The following PLEKHA7 variants were observed in gnomAD, a reference collection of about 807,000 sequenced individuals.
The protein encoded by PLEKHA7 is pleckstrin homology domain-containing family A member 7.
In PLEKHA7, 104 loss-of-function variants were observed where a neutral mutation model predicts 170.0. The observed-to-expected ratio is 0.61, with a 90% CI of 0.52 to 0.72. The LOEUF (loss-of-function observed/expected upper bound fraction) is 0.72, where lower values mean the gene tolerates loss of function less well. Ranked by LOEUF, PLEKHA7 falls within the 30% of genes least tolerant of loss-of-function variation. The probability of loss-of-function intolerance (pLI) is 0.00; values close to 1 mark genes in which losing one functional copy is unlikely to be tolerated. For missense variants in PLEKHA7, 1,615 were observed against 1,671.7 expected, an observed-to-expected ratio of 0.97 and a Z score of 0.59; for synonymous variants, 648 against 660.8, an observed-to-expected ratio of 0.98 and a Z score of 0.30.
intron 26 of PLEKHA7, among the ~76,000 whole-genome samples, chr11:16,782,335 C>T (rs1849094490): frequency 6.6e-6 from 1 of 152,144 alleles, no homozygotes. Context: ...CAGGAGGGGC[C>T]CCCTTCTGCC....
chr11:16,910,635 C>CCTGGAGAGATTTTTGGTTGTCACAA (rs1330123568), intron 3 of PLEKHA7, among the ~76,000 whole-genome samples: 3 of 152,166 alleles, frequency 2.0e-5, no homozygotes, highest in Non-Finnish European at 4.4e-5. Context: ...TTTGATAATG[C>CCTGGAGAGATTTTTGGTTGTCACAA]CTGGAGAGAT....
At chr11:16,813,254 G>A (rs895266492) in intron 12 of PLEKHA7, 88 bp from the exon 13 acceptor site, 23 of 1,179,508 alleles carry the variant, frequency 1.9e-5, no homozygotes, top group African/African-American at 6.0e-5. Context: ...TATTTACATC[G>A]TGCAGCTTTG....
rs548810764 is a variant in PLEKHA7 at position 16,966,355 on chromosome 11, C to T, written c.221+47634G>A. ...AGGCTGCTCACAGTTATAAGAAACA[C>T]CCCAGGTATCTCACAAACATCTACC... On this transcript the variant is annotated intron_variant, in intron 3 of 26. Coordinates refer to ENST00000531066, the MANE Select transcript of PLEKHA7 (RefSeq NM_001329630.2). Among the ~76,000 whole-genome samples the T allele has an allele frequency of 2.6e-5, 4 of 152,038 alleles. No homozygotes were observed. The South Asian group carries it at 6.2e-4, about 24-fold the overall frequency.
chr11:16,949,118 C>A (rs371372714), intron 3 of PLEKHA7, among the ~76,000 whole-genome samples: 1 of 152,130 alleles, frequency 6.6e-6, no homozygotes, highest in Non-Finnish European at 1.5e-5. Context: ...CCAACTCCCA[C>A]TCTCTTTACC....
At chr11:17,011,350 T>C (rs890887688) in intron 3 of PLEKHA7, among the ~76,000 whole-genome samples, 13 of 152,044 alleles carry the variant, frequency 8.6e-5, no homozygotes, top group Admixed American at 7.2e-4. Flanking sequence ...CTTCTTCCTC[T>C]CAGTGGGATC....
intron 3 of PLEKHA7, among the ~76,000 whole-genome samples, chr11:16,889,781 C>G (rs575208945): frequency 1.3e-5 from 2 of 151,982 alleles, no homozygotes; most frequent in East Asian, 3.9e-4. Flanking sequence ...GCCTAGACAC[C>G]CAGATACAAG....
chr11:16,950,777 A>G (rs529223026), intron 3 of PLEKHA7, among the ~76,000 whole-genome samples: 38 of 151,500 alleles, frequency 2.5e-4, no homozygotes, highest in African/African-American at 9.1e-4. Context: ...ACATTTTCCC[A>G]AACATTTTCC....
chr11:16,824,550 T>G (rs1850486125), intron 10 of PLEKHA7, among the ~76,000 whole-genome samples: 1 of 152,216 alleles, frequency 6.6e-6, no homozygotes, highest in African/African-American at 2.4e-5. Context: ...CTAGACATCA[T>G]CCTTGTTGTT....
intron 3 of PLEKHA7, among the ~76,000 whole-genome samples, chr11:16,938,367 C>A (rs1424980553): frequency 6.6e-6 from 1 of 152,074 alleles, no homozygotes; most frequent in Non-Finnish European, 1.5e-5. Context: ...CCCATAGCCC[C>A]TTTATCATGT....
intron 24 of PLEKHA7, among the ~76,000 whole-genome samples, chr11:16,785,531 G>A (rs1334529964): frequency 6.6e-6 from 1 of 152,180 alleles, no homozygotes; most frequent in Non-Finnish European, 1.5e-5. Context: ...AAGAGCTTAG[G>A]AATAGCATCG....
intron 3 of PLEKHA7, among the ~76,000 whole-genome samples, chr11:16,953,312 C>T (rs1024603493): frequency 6.6e-6 from 1 of 152,116 alleles, no homozygotes; most frequent in African/African-American, 2.4e-5. Context: ...ATTAACCAAA[C>T]GAACATAAGA....
chr11:17,001,632 C>T (rs1225032053), intron 3 of PLEKHA7, among the ~76,000 whole-genome samples: 1 of 152,138 alleles, frequency 6.6e-6, no homozygotes, highest in South Asian at 2.1e-4. Context: ...TTCCCTGCAC[C>T]ATAGAGTGTG....
At chr11:16,787,259 G>A in intron 23 of PLEKHA7, 1 of 983,768 alleles carries the variant, frequency 1.0e-6, no homozygotes. Context: ...CAAAGCAGAT[G>A]CTTATCTATC....
intron 3 of PLEKHA7, among the ~76,000 whole-genome samples, chr11:16,923,555 T>C (rs1013142678): frequency 1.3e-5 from 2 of 152,072 alleles, no homozygotes; most frequent in Admixed American, 6.5e-5. Flanking sequence ...GCCCAGCCCA[T>C]GGAGAGCAGA....
chr11:16,984,241 AATAAGT>A (rs1457545371), intron 3 of PLEKHA7, among the ~76,000 whole-genome samples: 4 of 152,058 alleles, frequency 2.6e-5, no homozygotes, highest in Non-Finnish European at 4.4e-5. Context: ...TTTTCTTTAG[AATAAGT>A]ATATTTTAGA....
At chr11:16,921,843 T>C (rs1321780135) in intron 3 of PLEKHA7, among the ~76,000 whole-genome samples, 2 of 152,232 alleles carry the variant, frequency 1.3e-5, no homozygotes, top group Non-Finnish European at 2.9e-5. Context: ...CAGGTTTTAT[T>C]ATTCTCAAAG....
chr11:16,948,517 G>A (rs1388764549), intron 3 of PLEKHA7, among the ~76,000 whole-genome samples: 2 of 152,132 alleles, frequency 1.3e-5, no homozygotes, highest in African/African-American at 2.4e-5. Flanking sequence ...TAAGGCCATA[G>A]TAATGATGAG....
At chr11:16,974,506 C>T (rs1049010273) in intron 3 of PLEKHA7, among the ~76,000 whole-genome samples, 1 of 151,930 alleles carries the variant, frequency 6.6e-6, no homozygotes, top group African/African-American at 2.4e-5. Context: ...TCTTGTGTAC[C>T]GATCAGCCAG....
chr11:16,781,047 G>A, intron 26 of PLEKHA7: 1 of 984,964 alleles, frequency 1.0e-6, no homozygotes, highest in Non-Finnish European at 1.2e-6. Flanking sequence ...AGGGCCAGCT[G>A]CTGTGCTAGA....
Sources: gnomAD v4.1 joint callset for allele counts (sites outside exome capture counted in the v4.1 genomes callset) on GRCh38, gnomAD v4.1.1 for gene constraint, MANE v1.5 for transcripts, NCBI Gene and HGNC (gene_info 2026-07-23, HGNC 2026-07-21) for gene names.